The following KCNH1 variants were observed in gnomAD, a reference collection of about 807,000 sequenced individuals.
The protein encoded by KCNH1 is potassium voltage-gated channel subfamily H member 1, also known as voltage-gated delayed rectifier potassium channel KCNH1.
In KCNH1, 27 loss-of-function variants were observed where a neutral mutation model predicts 69.2. The observed-to-expected ratio is 0.39, with a 90% CI of 0.29 to 0.54. The LOEUF is 0.54. Ranked by LOEUF, KCNH1 falls within the 20% of genes least tolerant of loss-of-function variation. The pLI, the probability that KCNH1 is intolerant of heterozygous loss-of-function variation, is 0.68. For synonymous variants in KCNH1, 456 were observed against 487.7 expected (o/e 0.93, Z 0.86); for missense variants, 798 against 1,261.6 (o/e 0.63, Z 5.57).
intron 6 of KCNH1, among the ~76,000 whole-genome samples, chr1:210,937,141 A>T (rs1574348764): frequency 6.6e-6 from 1 of 152,146 alleles, no homozygotes; most frequent in East Asian, 1.9e-4. Flanking sequence ...TCAACACACA[A>T]CGGCTCAATT....
In KCNH1 at chr1:210,853,946, C is replaced by CAAAAAAAAAAAAAAAAAA. The variant is rs11445997; in HGVS notation, c.1463-49798_1463-49781dup. 7.5e-4 allele frequency among the ~76,000 whole-genome samples: 46 copies of CAAAAAAAAAAAAAAAAAA among 61,514 alleles called. 1 individual carries two copies. Among genetic ancestry groups the CAAAAAAAAAAAAAAAAAA allele is most frequent in the African/African-American group, 1.4e-3 (19 of 13,462 alleles). 40.4% of individuals were successfully genotyped at this position (61,514 alleles called of 152,430 possible). A position where few individuals can be genotyped will look rare whatever the true frequency, so the allele number is the denominator to read the frequency against. The stretch of plus-strand genomic sequence containing the variant: ...TAGCAGTAAAAGCATTTATCTAAGC[C>CAAAAAAAAAAAAAAAAAA]AAAAAAAAAAAAAAAAAAAAAAGAA... On this transcript the variant is annotated intron_variant, in intron 7 of 10. Coordinates refer to ENST00000271751, the MANE Select transcript of KCNH1 (RefSeq NM_172362.3).
intron 7 of KCNH1, chr1:210,860,961 A>G (rs1291949408): frequency 1.0e-6 from 1 of 977,026 alleles, no homozygotes; most frequent in East Asian, 2.4e-5. Flanking sequence ...GAAGTGTTTC[A>G]GCTAAAGAGC....
At chr1:210,723,653 C>A (rs1194641855) in intron 10 of KCNH1, among the ~76,000 whole-genome samples, 1 of 152,066 alleles carries the variant, frequency 6.6e-6, no homozygotes, top group Non-Finnish European at 1.5e-5. Flanking sequence ...AGATTTTTTC[C>A]ATTCTCTTGT....
chr1:210,970,342 C>T (rs1361260914), intron 6 of KCNH1, among the ~76,000 whole-genome samples: 2 of 151,882 alleles, frequency 1.3e-5, no homozygotes, highest in Admixed American at 6.6e-5. Context: ...TCAACTCCCA[C>T]TTATGAGTGA....
At chr1:210,713,617 G>A (rs1682133169) in intron 10 of KCNH1, among the ~76,000 whole-genome samples, 1 of 152,118 alleles carries the variant, frequency 6.6e-6, no homozygotes, top group African/African-American at 2.4e-5. Context: ...AGGGGTTAGG[G>A]AAGGGATGGG....
At chr1:211,061,831 G>A (rs184452130) in intron 5 of KCNH1, among the ~76,000 whole-genome samples, 113 of 152,070 alleles carry the variant, frequency 7.4e-4, no homozygotes, top group Middle Eastern at 6.8e-3. Context: ...ACACAAAAAA[G>A]GAAAAGTATT....
chr1:210,687,585 G>C (rs1031758388), intron 10 of KCNH1, among the ~76,000 whole-genome samples: 1 of 152,194 alleles, frequency 6.6e-6, no homozygotes, highest in Admixed American at 6.5e-5. Flanking sequence ...AATCAGAGGG[G>C]TAAAACCAGC....
intron 10 of KCNH1, among the ~76,000 whole-genome samples, chr1:210,746,912 C>A (rs571910032): frequency 2.9e-4 from 44 of 152,248 alleles, no homozygotes; most frequent in African/African-American, 9.9e-4. Flanking sequence ...AGGTTTTCTG[C>A]AGAATGGGAC....
chr1:211,124,416 C>T (rs111742705), intron 1 of KCNH1, among the ~76,000 whole-genome samples: 149 of 152,212 alleles, frequency 9.8e-4, no homozygotes, highest in African/African-American at 3.4e-3. Context: ...GAGGCCGAGG[C>T]GGGCAGATCA....
At chr1:210,943,555 T>C (rs1260310167) in intron 6 of KCNH1, among the ~76,000 whole-genome samples, 2 of 152,124 alleles carry the variant, frequency 1.3e-5, no homozygotes, top group African/African-American at 2.4e-5. Context: ...AGTTTCACCA[T>C]GTTAGCCAGG....
intron 6 of KCNH1, among the ~76,000 whole-genome samples, chr1:210,962,593 T>C (rs559895923): frequency 6.6e-6 from 1 of 152,160 alleles, no homozygotes; most frequent in Non-Finnish European, 1.5e-5. Flanking sequence ...AGTTTATTCA[T>C]TTTTAGCACT....
At chr1:210,869,484 CGTGTGTGT>C (rs61235458) in intron 7 of KCNH1, among the ~76,000 whole-genome samples, 45,919 of 136,776 alleles carry the variant, frequency 0.34, 7,386 homozygotes, top group Middle Eastern at 0.38. Context: ...AGTTATAAGT[CGTGTGTGT>C]GTGTGTGTGT....
At chr1:210,969,543 A>G (rs1490731612) in intron 6 of KCNH1, among the ~76,000 whole-genome samples, 1 of 152,036 alleles carries the variant, frequency 6.6e-6, no homozygotes, top group Non-Finnish European at 1.5e-5. Flanking sequence ...TATTTGGTCT[A>G]AGTTTTCAAA....
At chr1:210,823,071 CCT>C (rs1684961766) in intron 7 of KCNH1, among the ~76,000 whole-genome samples, 2 of 152,082 alleles carry the variant, frequency 1.3e-5, no homozygotes, top group South Asian at 2.1e-4. Context: ...ACCAGTGATT[CCT>C]CTCTGTGTGA....
chr1:210,689,526 T>C (rs925561464), intron 10 of KCNH1, among the ~76,000 whole-genome samples: 1 of 152,196 alleles, frequency 6.6e-6, no homozygotes, highest in Non-Finnish European at 1.5e-5. Flanking sequence ...AAAATACATA[T>C]GTAATGTCAG....
intron 7 of KCNH1, among the ~76,000 whole-genome samples, chr1:210,909,593 G>A (rs1687184885): frequency 6.6e-6 from 1 of 152,222 alleles, no homozygotes; most frequent in African/African-American, 2.4e-5. Flanking sequence ...TGACTATTAA[G>A]TAGTGCAGAC....
At chr1:210,719,722 T>A (rs913733158) in intron 10 of KCNH1, among the ~76,000 whole-genome samples, 10 of 151,862 alleles carry the variant, frequency 6.6e-5, no homozygotes, top group African/African-American at 1.2e-4. Context: ...AAAAAAAAAA[T>A]AAGATCATTT....
chr1:210,737,269 TGA>T (rs1682902381), intron 10 of KCNH1, among the ~76,000 whole-genome samples: 1 of 152,126 alleles, frequency 6.6e-6, no homozygotes, highest in Non-Finnish European at 1.5e-5. Flanking sequence ...GGGAAGAGAC[TGA>T]GGGGGAATAA....
chr1:210,750,817 C>A (rs1347604174), intron 10 of KCNH1, among the ~76,000 whole-genome samples: 2 of 151,954 alleles, frequency 1.3e-5, no homozygotes, highest in African/African-American at 4.8e-5. Flanking sequence ...ACTGGATGGG[C>A]AGATACTATT....
Sources: gnomAD v4.1 joint callset for allele counts (sites outside exome capture counted in the v4.1 genomes callset) on GRCh38, gnomAD v4.1.1 for gene constraint, MANE v1.5 for transcripts, NCBI Gene and HGNC (gene_info 2026-07-23, HGNC 2026-07-21) for gene names.